Variants in MCTP2 observed in about 807,000 individuals in gnomAD.
The protein encoded by MCTP2 is multiple C2 and transmembrane domain-containing protein 2.
In MCTP2, 132 loss-of-function variants were observed where a neutral mutation model predicts 111.6. That is an observed-to-expected ratio of 1.18 (90% confidence interval 1.03 to 1.37). The LOEUF is 1.37. Among genes scored for constraint, MCTP2 ranks in the 40% most tolerant of loss-of-function variants. MCTP2 has a pLI of 0.00. For synonymous variants in MCTP2, 395 were observed against 387.7 expected, an observed-to-expected ratio of 1.02 and a Z score of -0.22; for missense variants, 1,183 against 1,067.9, an observed-to-expected ratio of 1.11 and a Z score of -1.50.
chr15:94,310,934 C>G (rs1284757125), intron 2 of MCTP2, among the ~76,000 whole-genome samples: 1 of 151,184 alleles, frequency 6.6e-6, no homozygotes, highest in Admixed American at 6.6e-5. Flanking sequence ...AGAGGGAGAC[C>G]TTGTCTCAAA....
intron 21 of MCTP2, among the ~76,000 whole-genome samples, chr15:94,472,650 GTC>G: frequency 6.6e-6 from 1 of 152,108 alleles, no homozygotes; most frequent in Admixed American, 6.5e-5. Context: ...TGTACTTTAC[GTC>G]TGGTTCTTCA....
intron 14 of MCTP2, among the ~76,000 whole-genome samples, chr15:94,389,881 A>G (rs1216501585): frequency 6.6e-6 from 1 of 151,864 alleles, no homozygotes; most frequent in African/African-American, 2.4e-5. Flanking sequence ...AATATACTTC[A>G]ACTTTTAATC....
At chr15:94,387,164 C>T (rs1490948503) in intron 14 of MCTP2, among the ~76,000 whole-genome samples, 1 of 151,798 alleles carries the variant, frequency 6.6e-6, no homozygotes, top group South Asian at 2.1e-4. Context: ...TTCCTTCCTC[C>T]CTCTCTCCTT....
chr15:94,263,745 T>A (rs144382370), intron 1 of MCTP2, among the ~76,000 whole-genome samples: 293 of 152,358 alleles, frequency 1.9e-3, no homozygotes, highest in Non-Finnish European at 2.9e-3. Flanking sequence ...ATTGCCTTCT[T>A]CAGCCTCCTC....
chr15:94,402,631 G>C, intron 17 of MCTP2: 1 of 1,546,544 alleles, frequency 6.5e-7, no homozygotes, highest in Non-Finnish European at 8.7e-7. Flanking sequence ...GAGAGCCCAA[G>C]AATCTTGGAA....
At chr15:94,355,860 C>T in intron 8 of MCTP2, 17 of 971,946 alleles carry the variant, frequency 1.7e-5, no homozygotes, top group Non-Finnish European at 2.0e-5. Flanking sequence ...GAAGGAGTCC[C>T]ACCAAAGAGC....
rs1555441862 is a variant in MCTP2 at position 94,255,485 on chromosome 15, A to AGTAT, written c.-66+23821_-66+23822insGTAT. 1.6e-3 allele frequency among the ~76,000 whole-genome samples: 242 copies of AGTAT among 151,772 alleles called. 1 individual carries two copies. The highest frequency in any genetic ancestry group is 5.8e-3 in the African/African-American group (239 of 41,320). The stretch of plus-strand genomic sequence containing the variant: ...TTTGACTTTCGTCATAGCACTTATG[A>AGTAT]CTGACATAAGTATTTTAATAATTAA... On this transcript the variant is annotated intron_variant, in intron 1 of 22. Coordinates refer to ENST00000357742, the MANE Select transcript of MCTP2 (RefSeq NM_001385001.1).
At chr15:94,327,421 C>G (rs2076932755) in intron 4 of MCTP2, among the ~76,000 whole-genome samples, 1 of 152,142 alleles carries the variant, frequency 6.6e-6, no homozygotes, top group African/African-American at 2.4e-5. Context: ...TCTTTGATTC[C>G]TATTGATGTT....
chr15:94,338,492 T>C (rs2077476951), intron 4 of MCTP2, among the ~76,000 whole-genome samples: 1 of 116,064 alleles, frequency 8.6e-6, no homozygotes, highest in African/African-American at 3.7e-5. Context: ...GCAGGCATTT[T>C]TTTTTTTTTT....
At chr15:94,271,130 C>T (rs184694613) in intron 1 of MCTP2, among the ~76,000 whole-genome samples, 41 of 152,224 alleles carry the variant, frequency 2.7e-4, no homozygotes, top group Admixed American at 1.1e-3. Context: ...GTATGTGAGA[C>T]GAGAGTGTGT....
chr15:94,283,337 T>C (rs2074587210), intron 1 of MCTP2, among the ~76,000 whole-genome samples: 1 of 152,176 alleles, frequency 6.6e-6, no homozygotes, highest in Non-Finnish European at 1.5e-5. Context: ...TAATGCTGCC[T>C]AGAGGAGTAT....
At chr15:94,406,146 A>G (rs1011899206) in intron 17 of MCTP2, among the ~76,000 whole-genome samples, 4 of 152,228 alleles carry the variant, frequency 2.6e-5, no homozygotes, top group African/African-American at 9.6e-5. Context: ...ACTATTATTC[A>G]TAGTTCATGT....
At chr15:94,475,701 G>A (rs562374764) in intron 21 of MCTP2, among the ~76,000 whole-genome samples, 22 of 152,246 alleles carry the variant, frequency 1.4e-4, no homozygotes, top group East Asian at 1.9e-4. Context: ...CATGAAAAAC[G>A]GGTTGACATT....
At chr15:94,251,693 G>C (rs899141951) in intron 1 of MCTP2, among the ~76,000 whole-genome samples, 5 of 152,112 alleles carry the variant, frequency 3.3e-5, no homozygotes, top group African/African-American at 1.2e-4. Flanking sequence ...GTTCAGTGAC[G>C]TTATGTTTAT....
rs555360522 is a variant in MCTP2 at position 94,402,438 on chromosome 15, C to T, written c.2085+419C>T. 35 of 1,541,808 alleles carry T rather than the reference C, an allele frequency of 2.3e-5. No homozygotes were observed. In the East Asian group the frequency reaches 8.1e-4, roughly 36 times the overall value. On this transcript the variant is annotated intron_variant, in intron 17 of 22. Transcript: ENST00000357742. ...TGATATTAAAGATGTTTATTCATTT[C>T]AAGCCAGTTGGGACATACTGATCAT...
intron 1 of MCTP2, among the ~76,000 whole-genome samples, chr15:94,256,897 A>G (rs1041462221): frequency 6.6e-6 from 1 of 152,194 alleles, no homozygotes; most frequent in Non-Finnish European, 1.5e-5. Flanking sequence ...AACATATTCC[A>G]CACAGCAGAC....
In MCTP2 at chr15:94,278,701, T is replaced by A. The variant is rs923434438; in HGVS notation, c.-65-19500T>A. Among the ~76,000 whole-genome samples the A allele has an allele frequency of 2.9e-5, 3 of 104,858 alleles. No homozygotes were observed. The South Asian group carries it at 1.1e-3, about 37-fold the overall frequency. 68.8% of individuals were successfully genotyped at this position (104,858 alleles called of 152,430 possible). ...GGCAGTGAGCGTAGTACCTAACAGGTAGTTTTTTTTGAAAATCCCTCTCTC... is the reference window on the plus strand; with the variant it reads ...GGCAGTGAGCGTAGTACCTAACAGGAAGTTTTTTTTGAAAATCCCTCTCTC... On this transcript the variant is annotated intron_variant, in intron 1 of 22. Coordinates refer to ENST00000357742, the MANE Select transcript of MCTP2 (RefSeq NM_001385001.1).
intron 1 of MCTP2, among the ~76,000 whole-genome samples, chr15:94,295,963 T>TA (rs536936278): frequency 1.8e-3 from 267 of 152,232 alleles, no homozygotes; most frequent in Non-Finnish European, 3.2e-3. Flanking sequence ...GGAATTTGTA[T>TA]AAATTCTTTT....
intron 9 of MCTP2, among the ~76,000 whole-genome samples, chr15:94,357,761 C>T (rs1325798543): frequency 6.6e-6 from 1 of 152,164 alleles, no homozygotes; most frequent in African/African-American, 2.4e-5. Context: ...CTGGGACCAA[C>T]ATTCTTGCTC....
Sources: allele counts gnomAD v4.1 joint callset (sites outside exome capture counted in the v4.1 genomes callset), GRCh38; gene constraint gnomAD v4.1.1; transcripts MANE v1.5; gene names NCBI Gene and HGNC (gene_info 2026-07-23, HGNC 2026-07-21).